The following PRSS2 variants were observed in gnomAD, a reference collection of about 807,000 sequenced individuals.
The protein encoded by PRSS2 is serine protease 2, also known as trypsin-2.
In PRSS2, 19 loss-of-function variants were observed where a neutral mutation model predicts 19.2. The ratio of observed to expected loss-of-function variants is 0.99; its 90% CI spans 0.69 to 1.45. PRSS2 has a LOEUF of 1.45. Ranked by LOEUF, PRSS2 falls within the 40% of genes most tolerant of loss-of-function variation. The probability of loss-of-function intolerance (pLI) is 0.00; values close to 1 mark genes in which losing one functional copy is unlikely to be tolerated. For missense variants in PRSS2, 288 were observed against 294.4 expected (o/e 0.98, Z 0.16); for synonymous variants, 107 against 117.5 (o/e 0.91, Z 0.58).
intron 1 of PRSS2, among the ~76,000 whole-genome samples, chr7:142,771,723 A>C (rs1799913797): frequency 6.6e-6 from 1 of 152,028 alleles, no homozygotes; most frequent in South Asian, 2.1e-4. Flanking sequence ...GGTGGTGAAT[A>C]AAAGAGAGAA....
chr7:142,773,126 T>G, intron 2 of PRSS2, 140 bp from the exon 3 acceptor site: 3 of 1,480,386 alleles, frequency 2.0e-6, no homozygotes, highest in Non-Finnish European at 2.8e-6. Context: ...ATTGCTCTCC[T>G]GCCCATGCAA....
chr7:142,774,153 C>A, intron 4 of PRSS2, 98 bp downstream of exon 4: 1 of 1,362,886 alleles, frequency 7.3e-7, no homozygotes, highest in East Asian at 2.3e-5. Context: ...TGAGGAGGCT[C>A]CCTGCAGTGC....
chr7:142,771,651 T>G (rs1799907324), intron 1 of PRSS2, among the ~76,000 whole-genome samples: 1 of 148,750 alleles, frequency 6.7e-6, no homozygotes, highest in South Asian at 2.1e-4. Flanking sequence ...GCCAGGGGGT[T>G]TTCCTAGCTT....
chr7:142,772,298 G>A, intron 2 of PRSS2, 90 bp downstream of exon 2: 1 of 1,484,940 alleles, frequency 6.7e-7, no homozygotes. Flanking sequence ...GGTTGGGTAG[G>A]ACGGACGAGA....
intron 2 of PRSS2, 153 bp downstream of exon 2, chr7:142,772,361 A>C: frequency 8.7e-7 from 1 of 1,143,348 alleles, no homozygotes; most frequent in Non-Finnish European, 1.3e-6. Flanking sequence ...CAGAGCAGAG[A>C]GTGAACACAA....
chr7:142,774,288 C>T, intron 4 of PRSS2, 68 bp from the exon 5 acceptor site: 2 of 1,053,658 alleles, frequency 1.9e-6, no homozygotes, highest in Non-Finnish European at 3.0e-6. Flanking sequence ...TTTTAAGGTT[C>T]AGAGCAAATG....
chr7:142,774,277 C>T (rs1242015405), intron 4 of PRSS2, 79 bp from the exon 5 acceptor site: 28 of 1,053,058 alleles, frequency 2.7e-5, no homozygotes, highest in Non-Finnish European at 3.7e-5. Context: ...GGAAAGGGCT[C>T]TTTTAAGGTT....
chr7:142,774,501 A>G lies in PRSS2; in HGVS notation c.737A>G (p.Asn246Ser), dbSNP rs755081815. 6 of 1,610,174 alleles carry G rather than the reference A, an allele frequency of 3.7e-6. No individual in the cohort carries two copies. The highest frequency in any genetic ancestry group is 5.1e-6 in the Non-Finnish European group (6 of 1,176,492). The change falls in exon 5 of 5, where the codon AAC (asparagine) becomes AGC (serine). Residue 246 changes from asparagine (N) to serine (S), a missense_variant. Physicochemically the swap from Asn to Ser is conservative, Grantham distance 46. Transcript: ENST00000539842. ...VDWIKDTIAA[N>S]S ...TGGATTAAGGACACCATAGCTGCCA[A>G]CAGCTAAAGCCCCTGGTCCCTCTGC...
At position 142,773,334 on chromosome 7, in the gene PRSS2, C is replaced by T. The variant is rs1348961777; in HGVS notation, c.269C>T (p.Ala90Val). 21 of 1,614,074 alleles carry T rather than the reference C, an allele frequency of 1.3e-5. No individual in the cohort carries two copies. In the East Asian group the frequency reaches 1.6e-4, roughly 12 times the overall value. Reference sequence around the variant, plus strand: ...GAGGGGAATGAACAGTTCATCAATGCGGCCAAGATCATCCGCCACCCCAAA... The same window carrying T: ...GAGGGGAATGAACAGTTCATCAATGTGGCCAAGATCATCCGCCACCCCAAA... ...VLEGNEQFIN[A>V]AKIIRHPKYN... is the part of the protein sequence containing the mutation. The change falls in exon 3 of 5, where the codon GCG becomes GTG. Residue 90 changes from alanine to valine, a missense_variant. Physicochemically the swap from Ala to Val is moderately conservative, Grantham distance 64. Coordinates refer to ENST00000539842, the MANE Select transcript of PRSS2 (RefSeq NM_002770.4).
At chr7:142,771,820 C>A (rs1799926679) in intron 1 of PRSS2, among the ~76,000 whole-genome samples, 1 of 152,236 alleles carries the variant, frequency 6.6e-6, no homozygotes, top group African/African-American at 2.4e-5. Flanking sequence ...AGCCTGGTGA[C>A]CCCAGGAGAG....
Position 142,773,739 on chromosome 7 carries a change from C to T in PRSS2, c.455-180C>T, listed in dbSNP as rs1800178851. 2.0e-5 allele frequency among the ~76,000 whole-genome samples: 3 copies of T among 152,250 alleles called. No homozygotes were observed. In the South Asian group the frequency reaches 6.2e-4, roughly 32 times the overall value. On this transcript the variant is annotated intron_variant, in intron 3 of 4. Coordinates refer to ENST00000539842, the MANE Select transcript of PRSS2 (RefSeq NM_002770.4). ...AATGGAGAACTTGCTATGATCACTT[C>T]GTGGGAGAGGTTCAACAATGATCAT... is the stretch of plus-strand genomic sequence containing the variant.
At chr7:142,772,517 T>C (rs1800022947) in intron 2 of PRSS2, 2 of 691,508 alleles carry the variant, frequency 2.9e-6, no homozygotes, top group Non-Finnish European at 5.3e-6. Context: ...TAAAGCCACC[T>C]AAGAATGAGT....
At chr7:142,773,233 G>A (rs775092833) in intron 2 of PRSS2, 33 bp from the exon 3 acceptor site, 1 of 1,614,234 alleles carries the variant, frequency 6.2e-7, no homozygotes, top group African/African-American at 1.3e-5. Flanking sequence ...GGCTGTGGGA[G>A]AAGGTCTTCA....
chr7:142,773,609 G>A (rs1398433608), intron 3 of PRSS2, 90 bp downstream of exon 3: 1 of 1,294,266 alleles, frequency 7.7e-7, no homozygotes, highest in Non-Finnish European at 1.1e-6. Flanking sequence ...CTCGCCTCCA[G>A]GCTTAAGACA....
rs773742323 is a variant in PRSS2, at chr7:142,773,358, A to T, written c.293A>T (p.Lys98Ile). Residue 98 changes from lysine to isoleucine, a missense_variant, in exon 3 of 5, where the codon AAA (lysine) becomes ATA (isoleucine). By Grantham distance (102) the Lys-to-Ile change is moderately radical. Coordinates refer to ENST00000539842, the MANE Select transcript of PRSS2 (RefSeq NM_002770.4). The stretch of plus-strand genomic sequence containing the variant: ...GCGGCCAAGATCATCCGCCACCCCA[A>T]ATACAACAGCCGGACTCTGGACAAT... ...INAAKIIRHPKYNSRTLDNDI... is the reference protein window; with the variant it reads ...INAAKIIRHPIYNSRTLDNDI... The T allele has an allele frequency of 1.3e-4, 214 of 1,614,072 alleles. No individual in the cohort carries two copies. The African/African-American group carries it at 2.6e-3, about 20-fold the overall frequency.
At position 142,770,972 on chromosome 7, in the gene PRSS2, A is replaced by G; in HGVS notation, c.-11A>G. On this transcript the variant is annotated 5_prime_UTR_variant, in exon 1 of 5. Transcript: ENST00000539842. Reference sequence around the variant, plus strand: ...GGGTTCTCCACCAGCAATCAGGCACACTCTACCACCATGAATCTACTTCTG... The same window carrying G: ...GGGTTCTCCACCAGCAATCAGGCACGCTCTACCACCATGAATCTACTTCTG... The G allele has an allele frequency of 1.5e-6, 1 of 676,574 alleles. No individual in the cohort carries two copies. 41.9% of individuals were successfully genotyped at this position (676,574 alleles called of 1,614,324 possible).
Position 142,774,557 on chromosome 7 carries a change from T to C in PRSS2, c.*49T>C, listed in dbSNP as rs1025473121. On this transcript the variant is annotated 3_prime_UTR_variant, in exon 5 of 5. Coordinates refer to ENST00000539842, the MANE Select transcript of PRSS2 (RefSeq NM_002770.4). ...CTATACCAATAAAGTGACCCTGCTC[T>C]CACTGTCTGTGTCTGTGCCTCCTCC... is the stretch of plus-strand genomic sequence containing the variant. 7.7e-5 allele frequency: 120 copies of C among 1,550,796 alleles called. No homozygotes were observed. The East Asian group carries it at 2.6e-3, about 34-fold the overall frequency.
intron 2 of PRSS2, 114 bp downstream of exon 2, chr7:142,772,322 A>C: frequency 7.0e-7 from 1 of 1,419,872 alleles, no homozygotes; most frequent in Non-Finnish European, 9.9e-7. Context: ...ATGGTGGAAA[A>C]GAAAACTTGT....
At chr7:142,772,461 G>C in intron 2 of PRSS2, 1 of 724,538 alleles carries the variant, frequency 1.4e-6, no homozygotes, top group Admixed American at 2.0e-5. Context: ...GGTGGTGAGA[G>C]CTAGTGAGAA....
Sources: allele counts gnomAD v4.1 joint callset (sites outside exome capture counted in the v4.1 genomes callset), GRCh38; gene constraint gnomAD v4.1.1; transcripts MANE v1.5; gene names NCBI Gene and HGNC (gene_info 2026-07-23, HGNC 2026-07-21).